Variants in SUPT3H observed in about 807,000 individuals in gnomAD.
The protein encoded by SUPT3H is SPT3 homolog, SAGA and STAGA complex component, also known as transcription initiation protein SPT3 homolog.
Under a neutral mutation model 44.3 loss-of-function variants are expected in SUPT3H, and 44 were observed. The ratio of observed to expected loss-of-function variants is 0.99; its 90% CI spans 0.78 to 1.28. The LOEUF (loss-of-function observed/expected upper bound fraction) is 1.28. Ranked by LOEUF, SUPT3H falls within the 50% of genes most tolerant of loss-of-function variation. SUPT3H has a pLI of 0.00. For missense variants in SUPT3H, 380 were observed against 387.1 expected, an observed-to-expected ratio of 0.98 and a Z score of 0.15; for synonymous variants, 124 against 125.6, an observed-to-expected ratio of 0.99 and a Z score of 0.09.
chr6:45,212,479 CTATGTGTGTGTGTGTG>C (rs1298529767), intron 2 of SUPT3H, among the ~76,000 whole-genome samples: 38 of 139,850 alleles, frequency 2.7e-4, no homozygotes, highest in African/African-American at 8.7e-4. Context: ...TCCACCTCCA[CTATGTGTGTGTGTGTG>C]TGTGTGTGTG....
intron 3 of SUPT3H, among the ~76,000 whole-genome samples, chr6:45,096,895 T>C (rs374984107): frequency 1.3e-5 from 2 of 152,162 alleles, no homozygotes; most frequent in Non-Finnish European, 2.9e-5. Context: ...AATCTTGATA[T>C]ATATCTATCA....
rs1782329352 is a variant in SUPT3H, at chr6:45,003,752, C to G, written c.405G>C (p.Lys135Asn). Residue 135 changes from lysine to asparagine, a missense_variant, in exon 6 of 11, where the codon AAG becomes AAC. By Grantham distance (94) the Lys-to-Asn change is moderately conservative. Coordinates refer to ENST00000371459, the MANE Select transcript of SUPT3H (RefSeq NM_003599.4). Reference protein sequence around the residue: ...SGSNNANKRQKIAQDFLNSID... With the variant: ...SGSNNANKRQNIAQDFLNSID... Reference sequence around the variant, plus strand: ...TAGAGTTGAGGAAGTCCTGAGCAATCTTTTGTCTTTTGTTCGCATTATTGC... The same window carrying G: ...TAGAGTTGAGGAAGTCCTGAGCAATGTTTTGTCTTTTGTTCGCATTATTGC... 6.2e-7 allele frequency: 1 copy of G among 1,613,574 alleles called. No individual in the cohort carries two copies. The highest frequency in any genetic ancestry group is 1.1e-5 in the South Asian group (1 of 91,060).
chr6:45,358,128 C>T (rs923749598), intron 2 of SUPT3H, among the ~76,000 whole-genome samples: 1 of 149,496 alleles, frequency 6.7e-6, no homozygotes, highest in African/African-American at 2.6e-5. Context: ...GTGTTAAAAT[C>T]AAATATAAAA....
chr6:45,177,361 T>G (rs1386618003), intron 2 of SUPT3H, among the ~76,000 whole-genome samples: 5 of 151,534 alleles, frequency 3.3e-5, no homozygotes, highest in Admixed American at 1.3e-4. Context: ...AGAAGGGAAG[T>G]TTAGAGAAAA....
At chr6:44,907,018 T>C (rs1766207861) in intron 10 of SUPT3H, among the ~76,000 whole-genome samples, 1 of 152,220 alleles carries the variant, frequency 6.6e-6, no homozygotes, top group African/African-American at 2.4e-5. Flanking sequence ...TTTCTTGCTG[T>C]GTCATTACCT....
At chr6:45,330,213 T>G (rs1323303238) in intron 2 of SUPT3H, among the ~76,000 whole-genome samples, 5 of 151,928 alleles carry the variant, frequency 3.3e-5, no homozygotes. Flanking sequence ...ACAGATTAAT[T>G]TAAAATTTTA....
chr6:44,878,404 C>T (rs1042016905), intron 10 of SUPT3H, among the ~76,000 whole-genome samples: 1 of 151,578 alleles, frequency 6.6e-6, no homozygotes, highest in African/African-American at 2.4e-5. Context: ...TATCATAAAT[C>T]GTGAGATAGG....
At chr6:45,253,848 CATATATATATATATAT>C (rs34256293) in intron 2 of SUPT3H, among the ~76,000 whole-genome samples, 12 of 88,764 alleles carry the variant, frequency 1.4e-4, no homozygotes, top group South Asian at 4.1e-4. Flanking sequence ...CACATATACG[CATATATATATATATAT>C]ATATATATAC....
chr6:45,146,430 A>G (rs766293498), intron 2 of SUPT3H, among the ~76,000 whole-genome samples: 8 of 152,124 alleles, frequency 5.3e-5, no homozygotes, highest in Non-Finnish European at 7.4e-5. Context: ...GGACTCAGGA[A>G]GAAGGGATGG....
intron 10 of SUPT3H, among the ~76,000 whole-genome samples, chr6:44,891,344 A>T (rs1236235697): frequency 6.6e-6 from 1 of 152,164 alleles, no homozygotes; most frequent in Non-Finnish European, 1.5e-5. Context: ...TATTCACAAT[A>T]GCCAATAGAT....
chr6:45,172,187 C>G (rs188085946), intron 2 of SUPT3H, among the ~76,000 whole-genome samples: 1 of 151,824 alleles, frequency 6.6e-6, no homozygotes, highest in East Asian at 1.9e-4. Flanking sequence ...ATTCTCCTCC[C>G]TCAGCCTCCA....
At chr6:45,162,802 A>G (rs1809235738) in intron 2 of SUPT3H, among the ~76,000 whole-genome samples, 1 of 152,180 alleles carries the variant, frequency 6.6e-6, no homozygotes, top group South Asian at 2.1e-4. Context: ...TATTTTCATG[A>G]TAAGAATAAT....
At chr6:45,187,969 A>AC (rs1814524113) in intron 2 of SUPT3H, among the ~76,000 whole-genome samples, 2 of 152,244 alleles carry the variant, frequency 1.3e-5, no homozygotes, top group Non-Finnish European at 2.9e-5. Flanking sequence ...TAAGTTTTAA[A>AC]TTGCATACCA....
intron 2 of SUPT3H, among the ~76,000 whole-genome samples, chr6:45,234,409 C>A (rs1027817537): frequency 6.6e-6 from 1 of 151,482 alleles, no homozygotes; most frequent in Non-Finnish European, 1.5e-5. Flanking sequence ...TGGGCGCCTG[C>A]AATCCCAGCT....
At chr6:45,080,829 A>C (rs578108902) in intron 3 of SUPT3H, among the ~76,000 whole-genome samples, 1 of 152,152 alleles carries the variant, frequency 6.6e-6, no homozygotes, top group African/African-American at 2.4e-5. Flanking sequence ...GGTACAAAAA[A>C]CAGAAAGAAT....
At chr6:45,070,764 T>C (rs1279767552) in intron 3 of SUPT3H, among the ~76,000 whole-genome samples, 2 of 100,264 alleles carry the variant, frequency 2.0e-5, no homozygotes, top group African/African-American at 7.2e-5. Flanking sequence ...AAAAAAGAAA[T>C]GCTTTAATCT....
chr6:45,128,533 A>AATATATATATATATAT (rs1554257895), intron 2 of SUPT3H, among the ~76,000 whole-genome samples: 90 of 52,234 alleles, frequency 1.7e-3, no homozygotes, highest in Non-Finnish European at 2.4e-3. Context: ...AAAAAAAAAA[A>AATATATATATATATAT]ATATATATAT....
Position 45,090,130 on chromosome 6 carries a change from G to A in SUPT3H, c.186+15792C>T, listed in dbSNP as rs184624088. Among the ~76,000 whole-genome samples the A allele has an allele frequency of 1.2e-4, 19 of 152,154 alleles. No individual in the cohort carries two copies. In the East Asian group the frequency reaches 2.9e-3, roughly 23 times the overall value. On this transcript the variant is annotated intron_variant, in intron 3 of 10. Transcript: ENST00000371459. ...GCAATATAGCTGACATTTTAAAATA[G>A]GCATTCCATTCCTGACAACATCATT...
At chr6:45,200,316 T>C (rs927658) in intron 2 of SUPT3H, among the ~76,000 whole-genome samples, 92,384 of 150,846 alleles carry the variant, frequency 0.61, 28,745 homozygotes, top group African/African-American at 0.74. Context: ...CATATATATT[T>C]TGTCTATTTC....
Sources: gnomAD v4.1 joint callset for allele counts (sites outside exome capture counted in the v4.1 genomes callset) on GRCh38, gnomAD v4.1.1 for gene constraint, MANE v1.5 for transcripts, NCBI Gene and HGNC (gene_info 2026-07-23, HGNC 2026-07-21) for gene names.